CELSR3: variants seen among roughly 807,000 people sequenced by gnomAD.
The protein encoded by CELSR3 is cadherin EGF LAG seven-pass G-type receptor 3, also known as EGF-like protein 1.
A neutral mutation model predicts 270.0 loss-of-function variants in CELSR3; 73 were observed. The ratio of observed to expected loss-of-function variants is 0.27; its 90% CI spans 0.22 to 0.33. CELSR3 has a LOEUF of 0.33. Among genes scored for constraint, CELSR3 ranks in the 10% least tolerant of loss-of-function variants. The pLI, the probability that CELSR3 is intolerant of heterozygous loss-of-function variation, is 1.00. For missense variants in CELSR3, 3,614 were observed against 4,533.8 expected, an observed-to-expected ratio of 0.80 and a Z score of 5.83; for synonymous variants, 1,780 against 1,905.4, an observed-to-expected ratio of 0.93 and a Z score of 1.71.
rs771627232 is a variant in CELSR3 at position 48,643,016 on chromosome 3, C to T, written c.8357G>A (p.Cys2786Tyr). The change falls in exon 29 of 35, where the codon TGT becomes TAT. Residue 2786 changes from cysteine to tyrosine, a missense_variant. Transcript: ENST00000164024. ...CTCAGGCGCTGCCTTCCTGCCCAGA[C>T]AGGCTGGCATCCAGGCAGCCCGAGC... ...ADARAAWMPA[C>Y]LGRKAAPEEA... The T allele has an allele frequency of 6.2e-7, 1 of 1,612,896 alleles. No homozygotes were observed. Among genetic ancestry groups the T allele is most frequent in the Non-Finnish European group, 8.5e-7 (1 of 1,179,932 alleles).
At position 48,639,761 on chromosome 3, in the gene CELSR3, G is replaced by A. The variant is rs747037663; in HGVS notation, c.9824C>T (p.Thr3275Ile). The A allele has an allele frequency of 5.0e-6, 8 of 1,613,772 alleles. No individual in the cohort carries two copies. In the East Asian group the frequency reaches 1.6e-4, roughly 31 times the overall value. ...STPLGPHTTA[T>I]PSATASVLGP... ...AAGCACAGAGGCTGTGGCAGAAGGT[G>A]TGGCAGTGGTGTGAGGGCCCAAGGG... The change falls in exon 34 of 35, where the codon ACA (threonine) becomes ATA (isoleucine). Residue 3275 changes from threonine (T) to isoleucine (I), a missense_variant. Physicochemically the swap from Thr to Ile is moderately conservative, Grantham distance 89. Coordinates refer to ENST00000164024, the MANE Select transcript of CELSR3 (RefSeq NM_001407.3). This position sits in a 1 kb window ranked among gnomAD's most constrained non-coding sequence, Gnocchi z 4.1.
In CELSR3 at chr3:48,654,333, C is replaced by T. The variant is rs200414154; in HGVS notation, c.5108G>A (p.Arg1703Gln). Reference sequence around the variant, plus strand: ...TGCGACAAAAGCCGCCATGTCCACTCGGCGGCCATCAATGTGCAGGTCCCG... The same window carrying T: ...TGCGACAAAAGCCGCCATGTCCACTTGGCGGCCATCAATGTGCAGGTCCCG... ...CMRDLHIDGR[R>Q]VDMAAFVANN... The change falls in exon 7 of 35, where the codon CGA (arginine) becomes CAA (glutamine). Residue 1703 changes from arginine to glutamine, a missense_variant. Arg to Gln is a conservative substitution (Grantham distance 43). Coordinates refer to ENST00000164024, the MANE Select transcript of CELSR3 (RefSeq NM_001407.3). This position sits in a 1 kb window ranked among gnomAD's most constrained non-coding sequence, Gnocchi z 5.4. 6.2e-6 allele frequency: 10 copies of T among 1,613,992 alleles called. No individual in the cohort carries two copies. In the East Asian group the frequency reaches 6.7e-5, roughly 11 times the overall value.
chr3:48,657,436 T>A lies in CELSR3; in HGVS notation c.3749-88A>T. On this transcript the variant is annotated intron_variant, in intron 1 of 34. Transcript: ENST00000164024. The surrounding 1 kb of genome is among the most constrained non-coding windows in gnomAD (Gnocchi z 5.4). The stretch of plus-strand genomic sequence containing the variant: ...AAGAGGGCTGGGGCCAGCGATAGCC[T>A]AGGCCCCCAGAACCTCTAAGTCAGC... The A allele has an allele frequency of 7.3e-7, 1 of 1,362,814 alleles. No individual in the cohort carries two copies. Among genetic ancestry groups the A allele is most frequent in the Non-Finnish European group, 9.7e-7 (1 of 1,029,986 alleles). 84.4% of individuals were successfully genotyped at this position (1,362,814 alleles called of 1,614,324 possible). A position where few individuals can be genotyped will look rare whatever the true frequency, so the allele number is the denominator to read the frequency against.
Position 48,657,184 on chromosome 3 carries a change from T to TA in CELSR3, c.3912dup (p.Thr1305TyrfsTer4). 6.2e-7 allele frequency: 1 copy of TA among 1,613,832 alleles called. No homozygotes were observed. Among genetic ancestry groups the TA allele is most frequent in the Non-Finnish European group, 8.5e-7 (1 of 1,179,908 alleles). ...AAGATGAAGACGTCCTCAGCGGGCG[T>TA]AGCGAGCACCGCAGCCACGCCCTCG... is the stretch of plus-strand genomic sequence containing the variant. On this transcript the variant is annotated frameshift_variant, in exon 2 of 35. Coordinates refer to ENST00000164024, the MANE Select transcript of CELSR3 (RefSeq NM_001407.3). LOFTEE classifies it high-confidence loss of function. This position sits in a 1 kb window ranked among gnomAD's most constrained non-coding sequence, Gnocchi z 5.4.
chr3:48,644,577 A>T lies in CELSR3; in HGVS notation c.8085+139T>A, dbSNP rs1352769219. 1.4e-6 allele frequency: 1 copy of T among 710,852 alleles called. No homozygotes were observed. The highest frequency in any genetic ancestry group is 2.4e-6 in the Non-Finnish European group (1 of 414,268). 44.0% of individuals were successfully genotyped at this position (710,852 alleles called of 1,614,324 possible). A position where few individuals can be genotyped will look rare whatever the true frequency, so the allele number is the denominator to read the frequency against. ...GCCAGTTGAATGGGGGTGGCTACTG[A>T]CCAGAGGACAGAAAAAATGAAGGCC... is the stretch of plus-strand genomic sequence containing the variant. On this transcript the variant is annotated intron_variant, in intron 26 of 34. Coordinates refer to ENST00000164024, the MANE Select transcript of CELSR3 (RefSeq NM_001407.3). This position sits in a 1 kb window ranked among gnomAD's most constrained non-coding sequence, Gnocchi z 4.8.
Position 48,651,743 on chromosome 3 carries a change from G to A in CELSR3, c.5924-25C>T. 1 of 1,535,078 alleles carries A rather than the reference G, an allele frequency of 6.5e-7. No homozygotes were observed. On this transcript the variant is annotated intron_variant, in intron 12 of 34. Transcript: ENST00000164024. The surrounding 1 kb of genome is among the most constrained non-coding windows in gnomAD (Gnocchi z 7.4). The stretch of plus-strand genomic sequence containing the variant: ...CCTGCAGATTGGGTCAGAAAGCTCA[G>A]GATCCTGGTCGCAGAGCATGGAAGG...
chr3:48,652,933 G>A lies in CELSR3; in HGVS notation c.5634+69C>T, dbSNP rs910332324. 1 of 1,303,876 alleles carries A rather than the reference G, an allele frequency of 7.7e-7. No individual in the cohort carries two copies. Among genetic ancestry groups the A allele is most frequent in the Non-Finnish European group, 1.1e-6 (1 of 912,296 alleles). The allele number at this position is 1,303,876 out of a possible 1,614,324, so 80.8% of individuals were successfully genotyped here. A position where few individuals can be genotyped will look rare whatever the true frequency, so the allele number is the denominator to read the frequency against. On this transcript the variant is annotated intron_variant, in intron 10 of 34. Coordinates refer to ENST00000164024, the MANE Select transcript of CELSR3 (RefSeq NM_001407.3). This position sits in a 1 kb window ranked among gnomAD's most constrained non-coding sequence, Gnocchi z 4.3. ...GGGAACTGAGAGGAGCTGGACTAGA[G>A]GTGGGGTCAAATAAGGCGGATCTGG...
Position 48,662,727 on chromosome 3 carries a change from G to A in CELSR3, c.-93C>T, listed in dbSNP as rs2077079464. On this transcript the variant is annotated 5_prime_UTR_variant, in exon 1 of 35. Transcript: ENST00000164024. The surrounding 1 kb of genome is among the most constrained non-coding windows in gnomAD (Gnocchi z 7.1). Reference sequence around the variant, plus strand: ...TCGGGCCCCCTCCCGGGCCCCTGCCGCCGCCCCGGGCCCCCGCCCCTCCGC... The same window carrying A: ...TCGGGCCCCCTCCCGGGCCCCTGCCACCGCCCCGGGCCCCCGCCCCTCCGC... 4 of 363,040 alleles carry A rather than the reference G, an allele frequency of 1.1e-5. No individual in the cohort carries two copies. The highest frequency in any genetic ancestry group is 1.7e-5 in the Non-Finnish European group (4 of 237,860). 22.5% of individuals were successfully genotyped at this position (363,040 alleles called of 1,614,324 possible). A position where few individuals can be genotyped will look rare whatever the true frequency, so the allele number is the denominator to read the frequency against.
At position 48,648,799 on chromosome 3, in the gene CELSR3, G is replaced by A. The variant is rs2047111282; in HGVS notation, c.6697C>T (p.Leu2233=). 2 of 1,613,000 alleles carry A rather than the reference G, an allele frequency of 1.2e-6. No individual in the cohort carries two copies. The highest frequency in any genetic ancestry group is 1.7e-6 in the Non-Finnish European group (2 of 1,180,006). The change falls in exon 18 of 35, where the codon CTG becomes TTG. Residue 2233 remains leucine, a synonymous_variant. Coordinates refer to ENST00000164024, the MANE Select transcript of CELSR3 (RefSeq NM_001407.3). ...TCGAAGGCCAGCAGGTGGGCCAGCA[G>A]GCGGGCAGTGACTCGAACATCTTGG... The part of the protein sequence containing the change: ...FSQDVRVTAR[L]LAHLLAFESH...
In CELSR3 at chr3:48,654,649, G is replaced by A. The variant is rs575380828; in HGVS notation, c.4989-197C>T. ...GCACCCGTGATGGGCCGATGGTCTG[G>A]GGAAAGGTAGGTGAATGGGGGTTGA... On this transcript the variant is annotated intron_variant, in intron 6 of 34. Transcript: ENST00000164024. This position sits in a 1 kb window ranked among gnomAD's most constrained non-coding sequence, Gnocchi z 5.4. 6.6e-6 allele frequency among the ~76,000 whole-genome samples: 1 copy of A among 151,784 alleles called. No homozygotes were observed. The highest frequency in any genetic ancestry group is 2.1e-4 in the South Asian group (1 of 4,822).
chr3:48,642,137 G>T lies in CELSR3; in HGVS notation c.8666-128C>A. On this transcript the variant is annotated intron_variant, in intron 31 of 34. Transcript: ENST00000164024. This position sits in a 1 kb window ranked among gnomAD's most constrained non-coding sequence, Gnocchi z 6.1. ...TTGGGGACAGGAACCGGGGCTTGAA[G>T]TGGAGGTAGCAGCAGAAGGGCTGGG... The T allele has an allele frequency of 1.0e-6, 1 of 959,032 alleles. No individual in the cohort carries two copies. The highest frequency in any genetic ancestry group is 1.5e-6 in the Non-Finnish European group (1 of 661,622). 59.4% of individuals were successfully genotyped at this position (959,032 alleles called of 1,614,324 possible).
At position 48,645,761 on chromosome 3, in the gene CELSR3, A is replaced by G. The variant is rs762434686; in HGVS notation, c.7571T>C (p.Met2524Thr). The change falls in exon 23 of 35, where the codon ATG becomes ACG. Residue 2524 changes from methionine to threonine, a missense_variant. This residue lies in a region of CELSR3 where 1,240 missense variants were observed against 1,351.7 expected (regional missense o/e 0.92). Transcript: ENST00000164024. This position sits in a 1 kb window ranked among gnomAD's most constrained non-coding sequence, Gnocchi z 5.4. ...CSRTGTFGVL[M>T]DASPRERLEG... ...CCCCACCTCACGGGGAGAGGCATCC[A>G]TGAGGACCCCAAAGGTCCCTGTCCG... 1 of 1,610,864 alleles carries G rather than the reference A, an allele frequency of 6.2e-7. No homozygotes were observed. Among genetic ancestry groups the G allele is most frequent in the Admixed American group, 1.7e-5 (1 of 59,988 alleles).
chr3:48,643,925 C>T (rs1252233852), intron 27 of CELSR3: 13 of 587,820 alleles, frequency 2.2e-5, no homozygotes, highest in Non-Finnish European at 3.6e-5. Flanking sequence ...AGGGAGGGCA[C>T]GGAAGACAGG....
rs749757997 is a variant in CELSR3 at position 48,656,745 on chromosome 3, G to T, written c.4352C>A (p.Ala1451Glu). ...SNPCRNGGAC[A>E]RREGGYTCVC... is the part of the protein sequence containing the mutation. ...GCACGTGTAGCCTCCCTCGCGCCGCGCGCAGGCTCCGCCGTTGCGACATGG... is the reference window on the plus strand; with the variant it reads ...GCACGTGTAGCCTCCCTCGCGCCGCTCGCAGGCTCCGCCGTTGCGACATGG... The change falls in exon 2 of 35, where the codon GCG (alanine) becomes GAG (glutamate). Residue 1451 changes from alanine to glutamate, a missense_variant. By Grantham distance (107) the Ala-to-Glu change is moderately radical. This residue lies in a region of CELSR3 where 1,331 missense variants were observed against 1,933.7 expected (regional missense o/e 0.69). Transcript: ENST00000164024. 1 of 1,533,144 alleles carries T rather than the reference G, an allele frequency of 6.5e-7. No individual in the cohort carries two copies. The highest frequency in any genetic ancestry group is 8.8e-7 in the Non-Finnish European group (1 of 1,142,362). 95.0% of individuals were successfully genotyped at this position (1,533,144 alleles called of 1,614,324 possible).
intron 16 of CELSR3, among the ~76,000 whole-genome samples, chr3:48,649,741 T>C (rs2047120310): frequency 6.6e-6 from 1 of 152,104 alleles, no homozygotes; most frequent in African/African-American, 2.4e-5. Context: ...GGAGGTTGAA[T>C]GAGAATTGAC....
rs2047171266 is a variant in CELSR3, at chr3:48,655,356, C to G, written c.4780G>C (p.Gly1594Arg). ...NTVVSPTVPG[G>R]LSDGQWHTVH... ...GTATGCCATTGCCCGTCACTCAAGC[C>G]CCCTGGAACTGTGGGGCTGACCACG... is the stretch of plus-strand genomic sequence containing the variant. Residue 1594 changes from glycine to arginine, a missense_variant, in exon 5 of 35, where the codon GGC becomes CGC. Transcript: ENST00000164024. The surrounding 1 kb of genome is among the most constrained non-coding windows in gnomAD (Gnocchi z 5.8). 6.2e-7 allele frequency: 1 copy of G among 1,614,110 alleles called. No individual in the cohort carries two copies. The highest frequency in any genetic ancestry group is 1.1e-5 in the South Asian group (1 of 91,086).
In CELSR3 at chr3:48,652,955, C is replaced by A; in HGVS notation, c.5634+47G>T. The A allele has an allele frequency of 6.5e-7, 1 of 1,539,378 alleles. No individual in the cohort carries two copies. The highest frequency in any genetic ancestry group is 1.7e-5 in the Admixed American group (1 of 58,612). ...AGAGGTGGGGTCAAATAAGGCGGAT[C>A]TGGTTGGAAGGCTGAGAACAGACTA... On this transcript the variant is annotated intron_variant, in intron 10 of 34. Coordinates refer to ENST00000164024, the MANE Select transcript of CELSR3 (RefSeq NM_001407.3). The surrounding 1 kb of genome is among the most constrained non-coding windows in gnomAD (Gnocchi z 4.3).
Position 48,662,371 on chromosome 3 carries a change from G to C in CELSR3, c.264C>G (p.Leu88=). The change falls in exon 1 of 35, where the codon CTC becomes CTG. Residue 88 remains leucine (L), a synonymous_variant. Coordinates refer to ENST00000164024, the MANE Select transcript of CELSR3 (RefSeq NM_001407.3). This position sits in a 1 kb window ranked among gnomAD's most constrained non-coding sequence, Gnocchi z 7.1. ...LGVREPIFVG[L]RGRRQSARNS... ...TCCGGGCGCTTTGCCTTCTCCCTCG[G>C]AGCCCCACGAAGATAGGCTCCCTGA... The C allele has an allele frequency of 6.2e-7, 1 of 1,612,930 alleles. No individual in the cohort carries two copies. The highest frequency in any genetic ancestry group is 8.5e-7 in the Non-Finnish European group (1 of 1,179,992).
In CELSR3 at chr3:48,661,216, C is replaced by T. The variant is rs2077063961; in HGVS notation, c.1419G>A (p.Val473=). The T allele has an allele frequency of 6.2e-7, 1 of 1,602,370 alleles. No individual in the cohort carries two copies. The highest frequency in any genetic ancestry group is 8.5e-7 in the Non-Finnish European group (1 of 1,173,882). The change falls in exon 1 of 35, where the codon GTG becomes GTA. Residue 473 remains valine, a synonymous_variant. Coordinates refer to ENST00000164024, the MANE Select transcript of CELSR3 (RefSeq NM_001407.3). ...PPNANLRYRF[V]GPPAARAAAA... ...CTGCAGCGCGCGCAGCTGGCGGCCC[C>T]ACGAAGCGGTAGCGCAGGTTGGCGT...
Sources: allele counts gnomAD v4.1 joint callset (sites outside exome capture counted in the v4.1 genomes callset), GRCh38; gene constraint gnomAD v4.1.1; regional missense constraint gnomAD v4.1.1; non-coding constraint Gnocchi (gnomAD v3.1); transcripts MANE v1.5; gene names NCBI Gene and HGNC (gene_info 2026-07-23, HGNC 2026-07-21).